The following TNKS variants were observed in gnomAD, a reference collection of about 807,000 sequenced individuals.
TNKS encodes poly [ADP-ribose] polymerase tankyrase-1.
In TNKS, 72 loss-of-function variants were observed where a neutral mutation model predicts 135.8. That is an observed-to-expected ratio of 0.53 (90% CI 0.44 to 0.64). The LOEUF (loss-of-function observed/expected upper bound fraction) is 0.64. TNKS is among the 30% of genes least tolerant of loss of function. The probability of loss-of-function intolerance (pLI) is 0.00; values close to 1 mark genes in which losing one functional copy is unlikely to be tolerated. For synonymous variants in TNKS, 849 were observed against 649.3 expected (o/e 1.31, Z -4.68); for missense variants, 1,769 against 1,674.0 (o/e 1.06, Z -0.99).
At chr8:9,702,550 A>C (rs983806227) in intron 5 of TNKS, among the ~76,000 whole-genome samples, 3 of 152,160 alleles carry the variant, frequency 2.0e-5, no homozygotes, top group Non-Finnish European at 4.4e-5. Flanking sequence ...AGTTAACTAA[A>C]CTTCATTATC....
At chr8:9,771,773 G>C (rs1405891622) in intron 26 of TNKS, among the ~76,000 whole-genome samples, 19 of 64,430 alleles carry the variant, frequency 2.9e-4, no homozygotes, top group African/African-American at 1.3e-3. Context: ...AGAAAAAAAG[G>C]AAGGCAGGAG....
intron 7 of TNKS, 142 bp from the exon 8 acceptor site, chr8:9,706,669 T>G: frequency 1.4e-6 from 1 of 724,818 alleles, no homozygotes; most frequent in South Asian, 2.4e-5. Flanking sequence ...TTTCAGCTGT[T>G]TTTGAAAGGT....
intron 1 of TNKS, among the ~76,000 whole-genome samples, chr8:9,565,339 T>C (rs572999620): frequency 1.3e-5 from 2 of 152,300 alleles, no homozygotes; most frequent in African/African-American, 4.8e-5. Flanking sequence ...TTTTTCTCTA[T>C]CCCTTTTGCC....
Position 9,765,750 on chromosome 8 carries a change from T to C in TNKS, c.3506T>C (p.Val1169Ala). ...RERFCHRQKE[V>A]SEENHNHHNE... Reference sequence around the variant, plus strand: ...CGGTTCTGCCACCGACAGAAGGAAGTGTCTGAGGAGAATCACAACCATCAC... The same window carrying C: ...CGGTTCTGCCACCGACAGAAGGAAGCGTCTGAGGAGAATCACAACCATCAC... The change falls in exon 24 of 27, where the codon GTG becomes GCG. Residue 1169 changes from valine (V) to alanine (A), a missense_variant. Val to Ala is a moderately conservative substitution (Grantham distance 64). Coordinates refer to ENST00000310430, the MANE Select transcript of TNKS (RefSeq NM_003747.3). 1 of 1,613,262 alleles carries C rather than the reference T, an allele frequency of 6.2e-7. No homozygotes were observed. Among genetic ancestry groups the C allele is most frequent in the Non-Finnish European group, 8.5e-7 (1 of 1,179,654 alleles).
At chr8:9,596,751 C>A (rs909740530) in intron 2 of TNKS, among the ~76,000 whole-genome samples, 6 of 152,204 alleles carry the variant, frequency 3.9e-5, no homozygotes, top group Admixed American at 3.3e-4. Flanking sequence ...TACACATAAT[C>A]ATGGCTAGAG....
rs552389980 is a variant in TNKS at position 9,750,396 on chromosome 8, A to G, written c.2833-1213A>G. ...CCTTTCTCTCTTCCTGTACCTTATC[A>G]TGGGCAGATAAACACACCAGTCCAG... On this transcript the variant is annotated intron_variant, in intron 18 of 26. Transcript: ENST00000310430. 1.1e-3 allele frequency among the ~76,000 whole-genome samples: 175 copies of G among 152,304 alleles called. 1 individual carries two copies. The highest frequency in any genetic ancestry group is 4.1e-3 in the African/African-American group (172 of 41,564).
intron 26 of TNKS, among the ~76,000 whole-genome samples, chr8:9,773,694 G>C (rs1305326849): frequency 1.3e-5 from 2 of 151,656 alleles, no homozygotes; most frequent in Admixed American, 6.6e-5. Context: ...AATAATTTTA[G>C]AGAGTGATTA....
At chr8:9,608,670 C>A (rs888198136) in intron 2 of TNKS, among the ~76,000 whole-genome samples, 2 of 152,186 alleles carry the variant, frequency 1.3e-5, no homozygotes, top group African/African-American at 4.8e-5. Flanking sequence ...ACAGATCCTT[C>A]TTCTCTAGTT....
chr8:9,622,888 A>G (rs932567856), intron 3 of TNKS, among the ~76,000 whole-genome samples: 13 of 152,150 alleles, frequency 8.5e-5, no homozygotes, highest in African/African-American at 2.9e-4. Flanking sequence ...GATACCTGAA[A>G]CCACAGATAG....
chr8:9,629,557 C>G (rs1192035208), intron 3 of TNKS, among the ~76,000 whole-genome samples: 5 of 152,214 alleles, frequency 3.3e-5, no homozygotes, highest in Non-Finnish European at 7.3e-5. Flanking sequence ...TGCTGTTACT[C>G]AAGTTGGTTT....
intron 3 of TNKS, among the ~76,000 whole-genome samples, chr8:9,620,664 A>G (rs1406356036): frequency 6.6e-6 from 1 of 152,190 alleles, no homozygotes; most frequent in East Asian, 1.9e-4. Flanking sequence ...CCCCTCAAGC[A>G]GATGAAACCT....
intron 13 of TNKS, 51 bp downstream of exon 13, chr8:9,726,771 C>G (rs1805183449): frequency 7.0e-7 from 1 of 1,421,346 alleles, no homozygotes; most frequent in Non-Finnish European, 9.8e-7. Flanking sequence ...CTTTGCTAAC[C>G]AATTCATTTT....
intron 3 of TNKS, among the ~76,000 whole-genome samples, chr8:9,639,641 T>C (rs1345033078): frequency 1.3e-5 from 2 of 152,132 alleles, no homozygotes; most frequent in Non-Finnish European, 2.9e-5. Flanking sequence ...TCAGTAACTT[T>C]TGTATTTATC....
chr8:9,618,934 A>G (rs1799755174), intron 3 of TNKS, among the ~76,000 whole-genome samples: 1 of 152,232 alleles, frequency 6.6e-6, no homozygotes. Context: ...AAATGTTCCC[A>G]AAGACATTAA....
intron 3 of TNKS, among the ~76,000 whole-genome samples, chr8:9,660,843 G>A (rs1167871625): frequency 3.3e-5 from 5 of 152,190 alleles, no homozygotes; most frequent in East Asian, 3.9e-4. Context: ...AAACCCCATC[G>A]TTTCAGCCCA....
At chr8:9,644,759 G>C (rs1180119776) in intron 3 of TNKS, among the ~76,000 whole-genome samples, 1 of 152,120 alleles carries the variant, frequency 6.6e-6, no homozygotes, top group East Asian at 1.9e-4. Flanking sequence ...ACTTATGTTA[G>C]TTTGACCTTG....
At chr8:9,657,242 G>C in intron 3 of TNKS, among the ~76,000 whole-genome samples, 1 of 124,726 alleles carries the variant, frequency 8.0e-6, no homozygotes, top group African/African-American at 2.9e-5. Flanking sequence ...GGCTGGCCGG[G>C]CGGGGGGCCG....
chr8:9,720,776 CATG>C, intron 12 of TNKS, among the ~76,000 whole-genome samples: 1 of 152,238 alleles, frequency 6.6e-6, no homozygotes, highest in South Asian at 2.1e-4. Flanking sequence ...AAACCTGACT[CATG>C]AGTGTTCTGA....
intron 26 of TNKS, among the ~76,000 whole-genome samples, chr8:9,776,312 T>C (rs557727432): frequency 6.6e-6 from 1 of 152,356 alleles, no homozygotes; most frequent in Admixed American, 6.5e-5. Context: ...ACACGCTGTG[T>C]GACAGCACCA....
Sources: gnomAD v4.1 joint callset for allele counts (sites outside exome capture counted in the v4.1 genomes callset) on GRCh38, gnomAD v4.1.1 for gene constraint, MANE v1.5 for transcripts, NCBI Gene and HGNC (gene_info 2026-07-23, HGNC 2026-07-21) for gene names.